ABAT: variants seen among roughly 807,000 people sequenced by gnomAD.
The protein encoded by ABAT is 4-aminobutyrate aminotransferase.
ABAT carries 45 observed loss-of-function variants against 64.6 expected under a neutral mutation model. The observed-to-expected ratio is 0.70, with a 90% CI of 0.55 to 0.89. The LOEUF (loss-of-function observed/expected upper bound fraction) is 0.89. Ranked by LOEUF, ABAT falls within the 40% of genes least tolerant of loss-of-function variation. ABAT has a pLI of 0.00. For missense variants in ABAT, 633 were observed against 658.4 expected (o/e 0.96, Z 0.42); for synonymous variants, 297 against 250.5 (o/e 1.19, Z -1.75).
At chr16:8,729,376 G>C (rs528768140) in intron 1 of ABAT, among the ~76,000 whole-genome samples, 1 of 152,272 alleles carries the variant, frequency 6.6e-6, no homozygotes, top group East Asian at 1.9e-4. Flanking sequence ...AGAGGCAGGG[G>C]CTTTGGGGTC....
intron 1 of ABAT, among the ~76,000 whole-genome samples, chr16:8,688,389 G>T (rs1246343259): frequency 6.6e-6 from 1 of 152,140 alleles, no homozygotes; most frequent in South Asian, 2.1e-4. Context: ...CTCCAAACAT[G>T]GGGTTATTGG....
intron 4 of ABAT, among the ~76,000 whole-genome samples, 160 bp downstream of exon 4, chr16:8,748,297 A>G (rs1731036): frequency 0.5 from 75,598 of 152,060 alleles, 21,257 homozygotes; most frequent in Non-Finnish European, 0.61. Context: ...TCTTTGACCC[A>G]TTAGTTACTT....
intron 2 of ABAT, among the ~76,000 whole-genome samples, chr16:8,739,577 G>A (rs564352682): frequency 1.1e-4 from 16 of 152,136 alleles, no homozygotes; most frequent in East Asian, 5.8e-4. Context: ...AATTAGCTGC[G>A]CATGGTGGTG....
chr16:8,685,637 C>T (rs1254508820), intron 1 of ABAT, among the ~76,000 whole-genome samples: 1 of 152,070 alleles, frequency 6.6e-6, no homozygotes, highest in Non-Finnish European at 1.5e-5. Flanking sequence ...GATTACGCCA[C>T]TGCACTCCAG....
intron 1 of ABAT, among the ~76,000 whole-genome samples, chr16:8,698,874 A>C (rs1454527922): frequency 6.6e-6 from 1 of 152,196 alleles, no homozygotes; most frequent in Non-Finnish European, 1.5e-5. Flanking sequence ...TGAACCAAGG[A>C]GGTGGAGGTT....
At chr16:8,732,545 C>G (rs1288399231) in intron 1 of ABAT, among the ~76,000 whole-genome samples, 1 of 151,606 alleles carries the variant, frequency 6.6e-6, no homozygotes, top group Non-Finnish European at 1.5e-5. Flanking sequence ...GGGGTAAGGT[C>G]ACAGATCAAC....
chr16:8,679,818 T>G (rs1203058240), intron 1 of ABAT, among the ~76,000 whole-genome samples: 2 of 152,080 alleles, frequency 1.3e-5, no homozygotes, highest in Non-Finnish European at 2.9e-5. Flanking sequence ...CCATGACCAC[T>G]CTGCTGCAGG....
At chr16:8,730,432 C>T (rs927510845) in intron 1 of ABAT, among the ~76,000 whole-genome samples, 5 of 152,194 alleles carry the variant, frequency 3.3e-5, no homozygotes, top group Admixed American at 6.5e-5. Flanking sequence ...CCACACTATT[C>T]CTGCCCTGTG....
chr16:8,756,592 T>G (rs1421229687), intron 5 of ABAT, among the ~76,000 whole-genome samples: 1 of 152,180 alleles, frequency 6.6e-6, no homozygotes, highest in East Asian at 1.9e-4. Flanking sequence ...GCAACCTGCT[T>G]CTTCTAGAGA....
Position 8,781,473 on chromosome 16 carries a change from G to T in ABAT, c.*43G>T, listed in dbSNP as rs1188684316. 3 of 1,611,894 alleles carry T rather than the reference G, an allele frequency of 1.9e-6. No homozygotes were observed. Among genetic ancestry groups the T allele is most frequent in the African/African-American group, 2.7e-5 (2 of 74,798 alleles). Reference sequence around the variant, plus strand: ...CAGTGAGAAAGCCCGGATCCCAACAGTTGTCAAATTGATTAGTTTGCCTAA... The same window carrying T: ...CAGTGAGAAAGCCCGGATCCCAACATTTGTCAAATTGATTAGTTTGCCTAA... On this transcript the variant is annotated 3_prime_UTR_variant, in exon 16 of 16. Transcript: ENST00000268251. The surrounding 1 kb of genome is among the most constrained non-coding windows in gnomAD (Gnocchi z 4.5).
chr16:8,743,863 G>A (rs2059253213), intron 2 of ABAT, among the ~76,000 whole-genome samples: 1 of 152,080 alleles, frequency 6.6e-6, no homozygotes, highest in South Asian at 2.1e-4. Flanking sequence ...CCACCAAATA[G>A]TACCAGGAAG....
chr16:8,729,515 T>C (rs1204513961), intron 1 of ABAT, among the ~76,000 whole-genome samples: 1 of 152,120 alleles, frequency 6.6e-6, no homozygotes, highest in Non-Finnish European at 1.5e-5. Flanking sequence ...GGGAGTAATG[T>C]ACCCTTCAGA....
chr16:8,777,636 T>C (rs2060306109), intron 14 of ABAT, among the ~76,000 whole-genome samples: 1 of 152,128 alleles, frequency 6.6e-6, no homozygotes, highest in Non-Finnish European at 1.5e-5. Context: ...GAAGAGACTT[T>C]AATCTAAACC....
At chr16:8,723,827 A>ATATATATTTT (rs1567286201) in intron 1 of ABAT, among the ~76,000 whole-genome samples, 1 of 40,348 alleles carries the variant, frequency 2.5e-5, no homozygotes, top group Admixed American at 5.3e-4. Context: ...ATATATATAT[A>ATATATATTTT]TTTTTTTTTT....
At chr16:8,733,530 A>G (rs1307989038) in intron 1 of ABAT, among the ~76,000 whole-genome samples, 1 of 151,930 alleles carries the variant, frequency 6.6e-6, no homozygotes, top group Non-Finnish European at 1.5e-5. Context: ...GCTGCACTCC[A>G]GCCTGGGCAC....
chr16:8,685,874 G>C (rs968187725), intron 1 of ABAT, among the ~76,000 whole-genome samples: 2 of 152,172 alleles, frequency 1.3e-5, no homozygotes, highest in East Asian at 1.9e-4. Flanking sequence ...CCATGGAAGA[G>C]ATTAAAGCAA....
chr16:8,702,116 A>C (rs1015050805), intron 1 of ABAT, among the ~76,000 whole-genome samples: 4 of 152,150 alleles, frequency 2.6e-5, no homozygotes, highest in Non-Finnish European at 5.9e-5. Context: ...TCATTGGATC[A>C]TGGTTCTGCG....
At chr16:8,703,033 G>A (rs532858578) in intron 1 of ABAT, among the ~76,000 whole-genome samples, 112 of 152,196 alleles carry the variant, frequency 7.4e-4, no homozygotes, top group African/African-American at 2.6e-3. Context: ...CCGAGATCCA[G>A]GTAGAGTTGA....
At chr16:8,768,738 G>A (rs761245945) in intron 10 of ABAT, 87 bp from the exon 11 acceptor site, 38 of 1,584,442 alleles carry the variant, frequency 2.4e-5, no homozygotes, top group Admixed American at 5.0e-5. Flanking sequence ...ACAGCCTTGC[G>A]CTGAAATGTC....
Sources: gnomAD v4.1 joint callset for allele counts (sites outside exome capture counted in the v4.1 genomes callset) on GRCh38, gnomAD v4.1.1 for gene constraint, Gnocchi (gnomAD v3.1) non-coding constraint, MANE v1.5 for transcripts, NCBI Gene and HGNC (gene_info 2026-07-23, HGNC 2026-07-21) for gene names.